Variants in MORF4L1 observed in about 807,000 individuals in gnomAD.
The protein encoded by MORF4L1 is mortality factor 4-like protein 1.
Under a neutral mutation model 52.9 loss-of-function variants are expected in MORF4L1, and 4 were observed. The observed-to-expected ratio is 0.08, with a 90% CI of 0.04 to 0.17. The LOEUF is 0.17. Ranked by LOEUF, MORF4L1 falls within the 10% of genes least tolerant of loss-of-function variation. MORF4L1 has a pLI of 1.00. For synonymous variants in MORF4L1, 123 were observed against 134.8 expected, an observed-to-expected ratio of 0.91 and a Z score of 0.61; for missense variants, 214 against 390.4, an observed-to-expected ratio of 0.55 and a Z score of 3.81.
At chr15:78,883,617 G>A (rs1211358476) in intron 3 of MORF4L1, among the ~76,000 whole-genome samples, 1 of 152,010 alleles carries the variant, frequency 6.6e-6, no homozygotes, top group African/African-American at 2.4e-5. Context: ...AATTACTGTT[G>A]GGGAAAGTTA....
At chr15:78,887,759 C>G (rs1484141797) in intron 5 of MORF4L1, among the ~76,000 whole-genome samples, 1 of 152,186 alleles carries the variant, frequency 6.6e-6, no homozygotes, top group Admixed American at 6.5e-5. Flanking sequence ...AACTGCCCTC[C>G]TCATCCCCAC....
intron 3 of MORF4L1, 96 bp from the exon 4 acceptor site, chr15:78,886,045 T>C (rs1373601660): frequency 2.1e-5 from 18 of 848,864 alleles, no homozygotes. Flanking sequence ...GTTCATCAAA[T>C]TACTTAAGAG....
intron 3 of MORF4L1, among the ~76,000 whole-genome samples, chr15:78,885,629 T>A (rs1478717964): frequency 6.6e-6 from 1 of 152,238 alleles, no homozygotes; most frequent in Non-Finnish European, 1.5e-5. Flanking sequence ...TGTTGTTTTG[T>A]GTCAGGGATT....
chr15:78,878,359 G>C (rs1320467913), intron 2 of MORF4L1, 100 bp downstream of exon 2: 1 of 1,030,026 alleles, frequency 9.7e-7, no homozygotes, highest in African/African-American at 1.6e-5. Context: ...CTCAGTAAGA[G>C]AGTTGCCTTT....
At chr15:78,880,464 T>C in intron 2 of MORF4L1, 48 bp from the exon 3 acceptor site, 1 of 1,395,990 alleles carries the variant, frequency 7.2e-7, no homozygotes. Context: ...AAAGGTAGTG[T>C]CTTTAAAAAA....
intron 1 of MORF4L1, chr15:78,873,261 C>T (rs1416748709): frequency 4.0e-6 from 6 of 1,483,808 alleles, no homozygotes; most frequent in Middle Eastern, 2.4e-4. Context: ...GAGAGTGCTG[C>T]GCAGGCGTTA....
chr15:78,891,632 A>G (rs2056803887), intron 7 of MORF4L1, 60 bp downstream of exon 7: 4 of 1,322,304 alleles, frequency 3.0e-6, no homozygotes, highest in African/African-American at 2.9e-5. Context: ...GTTACATGAC[A>G]TAACCATGGG....
At chr15:78,890,731 C>T (rs907356983) in intron 5 of MORF4L1, 1 of 240,314 alleles carries the variant, frequency 4.2e-6, no homozygotes. Context: ...TCCACCCCCT[C>T]TTCACCTCCC....
At chr15:78,884,999 CTT>C in intron 3 of MORF4L1, 1 of 1,614,062 alleles carries the variant, frequency 6.2e-7, no homozygotes, top group Non-Finnish European at 8.5e-7. Flanking sequence ...TCTGAAAAAT[CTT>C]TGAAGACACA....
At chr15:78,886,004 C>T (rs2056696446) in intron 3 of MORF4L1, 137 bp from the exon 4 acceptor site, 4 of 651,348 alleles carry the variant, frequency 6.1e-6, no homozygotes, top group South Asian at 1.9e-5. Context: ...ATTAGATCTT[C>T]ATTTTAGTTG....
intron 1 of MORF4L1, chr15:78,873,907 C>G (rs1018404554): frequency 3.9e-5 from 6 of 152,330 alleles, no homozygotes; most frequent in African/African-American, 1.2e-4. Flanking sequence ...GCAGTGTTGA[C>G]GCCGTTTGCA....
At chr15:78,886,291 A>T (rs1567309710) in intron 4 of MORF4L1, 64 bp downstream of exon 4, 1 of 1,369,512 alleles carries the variant, frequency 7.3e-7, no homozygotes, top group Admixed American at 1.7e-5. Context: ...TGGACATGGA[A>T]TGAACAATGG....
In MORF4L1 at chr15:78,875,889, T is replaced by G. The variant is rs550534779; in HGVS notation, c.41-2324T>G. 2.4e-4 allele frequency among the ~76,000 whole-genome samples: 37 copies of G among 152,288 alleles called. No homozygotes were observed. The South Asian group carries it at 7.5e-3, about 31-fold the overall frequency. On this transcript the variant is annotated intron_variant, in intron 1 of 11. Coordinates refer to ENST00000426013, the MANE Select transcript of MORF4L1 (RefSeq NM_006791.4). Reference sequence around the variant, plus strand: ...GAATCGTCTTGAAACACTGTAGAGTTTATGTAATGGTAGAGAAAAGAGTGG... The same window carrying G: ...GAATCGTCTTGAAACACTGTAGAGTGTATGTAATGGTAGAGAAAAGAGTGG...
chr15:78,887,830 G>T (rs1425744132), intron 5 of MORF4L1, among the ~76,000 whole-genome samples: 1 of 152,188 alleles, frequency 6.6e-6, no homozygotes, highest in African/African-American at 2.4e-5. Context: ...CCAGGCTGGA[G>T]TGCAGTGGTG....
At chr15:78,881,238 G>T (rs1297180008) in intron 3 of MORF4L1, among the ~76,000 whole-genome samples, 1 of 96,386 alleles carries the variant, frequency 1.0e-5, no homozygotes, top group Non-Finnish European at 1.9e-5. Flanking sequence ...TCGTTGCCCA[G>T]GCTGGAGTGT....
At position 78,891,744 on chromosome 15, in the gene MORF4L1, C is replaced by T. The variant is rs2056805321; in HGVS notation, c.438+172C>T. On this transcript the variant is annotated intron_variant, in intron 7 of 11. Coordinates refer to ENST00000426013, the MANE Select transcript of MORF4L1 (RefSeq NM_006791.4). ...TAAATTTCTGTATATCTTTATTTCA[C>T]CTGTAGCTCCAGATTTACCTACCCA... The T allele has an allele frequency of 7.2e-6, 4 of 553,162 alleles. No homozygotes were observed. The Admixed American group carries it at 1.0e-4, about 14-fold the overall frequency. 34.3% of individuals were successfully genotyped at this position (553,162 alleles called of 1,614,324 possible).
chr15:78,894,026 C>T, intron 9 of MORF4L1, 32 bp from the exon 10 acceptor site: 1 of 1,569,926 alleles, frequency 6.4e-7, no homozygotes, highest in Non-Finnish European at 8.7e-7. Context: ...TTTTTATTGA[C>T]CAGTTTTGGA....
chr15:78,875,651 G>A lies in MORF4L1; in HGVS notation c.41-2562G>A, dbSNP rs368363999. ...AAAATACAAAAATTAGCAGGGCGTGGTGTTAGGCTCCTGTAATCCCGGCTA... is the reference window on the plus strand; with the variant it reads ...AAAATACAAAAATTAGCAGGGCGTGATGTTAGGCTCCTGTAATCCCGGCTA... On this transcript the variant is annotated intron_variant, in intron 1 of 11. Coordinates refer to ENST00000426013, the MANE Select transcript of MORF4L1 (RefSeq NM_006791.4). Among the ~76,000 whole-genome samples the A allele has an allele frequency of 3.3e-5, 5 of 151,902 alleles. No homozygotes were observed. The East Asian group carries it at 9.8e-4, about 30-fold the overall frequency.
At chr15:78,883,502 G>A (rs1204843348) in intron 3 of MORF4L1, among the ~76,000 whole-genome samples, 2 of 152,048 alleles carry the variant, frequency 1.3e-5, no homozygotes, top group African/African-American at 2.4e-5. Flanking sequence ...TTATTGTTTC[G>A]AAAAATAATG....
Sources: gnomAD v4.1 joint callset for allele counts (sites outside exome capture counted in the v4.1 genomes callset) on GRCh38, gnomAD v4.1.1 for gene constraint, MANE v1.5 for transcripts, NCBI Gene and HGNC (gene_info 2026-07-23, HGNC 2026-07-21) for gene names.